Variants in MANBA observed in about 807,000 individuals in gnomAD.
MANBA encodes the protein mannosidase beta.
MANBA carries 83 observed loss-of-function variants against 111.1 expected under a neutral mutation model. The ratio of observed to expected loss-of-function variants is 0.75; its 90% CI spans 0.63 to 0.90. The LOEUF (loss-of-function observed/expected upper bound fraction) is 0.90, where lower values mean the gene tolerates loss of function less well. MANBA is among the 40% of genes least tolerant of loss of function. MANBA has a pLI of 0.00. For synonymous variants in MANBA, 370 were observed against 378.7 expected (o/e 0.98, Z 0.27); for missense variants, 1,036 against 1,069.0 (o/e 0.97, Z 0.43).
intron 13 of MANBA, among the ~76,000 whole-genome samples, chr4:102,650,122 T>C (rs1241467065): frequency 2.2e-4 from 33 of 152,186 alleles, no homozygotes; most frequent in Admixed American, 2.1e-3. Flanking sequence ...CCACTGTTTA[T>C]TGATAAAATG....
At chr4:102,650,826 C>T in intron 12 of MANBA, 125 bp from the exon 13 acceptor site, 1 of 744,166 alleles carries the variant, frequency 1.3e-6, no homozygotes, top group East Asian at 2.7e-5. Context: ...TGTTCTGTGG[C>T]TCCAGTTTCA....
chr4:102,732,788 G>C (rs1249607772), intron 1 of MANBA, among the ~76,000 whole-genome samples: 1 of 152,214 alleles, frequency 6.6e-6, no homozygotes, highest in Non-Finnish European at 1.5e-5. Context: ...CAGGGTTGAA[G>C]AGGCACCTAA....
At chr4:102,649,412 A>G (rs926793907) in intron 13 of MANBA, among the ~76,000 whole-genome samples, 2 of 152,202 alleles carry the variant, frequency 1.3e-5, no homozygotes, top group Non-Finnish European at 2.9e-5. Flanking sequence ...CCTCACCAGC[A>G]GTTGTTATTA....
intron 13 of MANBA, among the ~76,000 whole-genome samples, chr4:102,644,127 G>A (rs1015213272): frequency 6.6e-6 from 1 of 152,096 alleles, no homozygotes; most frequent in African/African-American, 2.4e-5. Context: ...ATATCCAATT[G>A]TTCCAGCACC....
At chr4:102,671,193 AC>A in intron 9 of MANBA, 87 bp downstream of exon 9, 1 of 882,810 alleles carries the variant, frequency 1.1e-6, no homozygotes, top group South Asian at 1.3e-5. Flanking sequence ...TAGCTCTGAG[AC>A]TGGGGCAATT....
chr4:102,713,160 G>A (rs1722155584), intron 5 of MANBA, among the ~76,000 whole-genome samples: 1 of 152,148 alleles, frequency 6.6e-6, no homozygotes, highest in Non-Finnish European at 1.5e-5. Flanking sequence ...TGAATAGCAA[G>A]CTAAGGTCAC....
intron 1 of MANBA, among the ~76,000 whole-genome samples, chr4:102,746,694 C>T (rs894083704): frequency 5.3e-5 from 8 of 152,156 alleles, no homozygotes; most frequent in Admixed American, 2.6e-4. Context: ...ATTCTTAGGC[C>T]GGGCACTGTG....
chr4:102,671,451 G>T (rs928430524), intron 8 of MANBA, 53 bp from the exon 9 acceptor site: 1 of 1,054,420 alleles, frequency 9.5e-7, no homozygotes, highest in Non-Finnish European at 1.5e-6. Flanking sequence ...AAAACAGATT[G>T]TGACAGATAA....
rs1042851804 is a variant in MANBA at position 102,680,603 on chromosome 4, GA to G, written c.961-6534del. 1.0e-4 allele frequency among the ~76,000 whole-genome samples: 15 copies of G among 150,564 alleles called. No homozygotes were observed. In the South Asian group the frequency reaches 1.3e-3, roughly 13 times the overall value. On this transcript the variant is annotated intron_variant, in intron 7 of 16. Transcript: ENST00000647097. ...GTTCTAAAAAAAAAAAATCACACAG[GA>G]AAAAAAAAGTTTCCAAAAAAGCAAA...
intron 4 of MANBA, among the ~76,000 whole-genome samples, chr4:102,717,999 G>A (rs1487676907): frequency 6.6e-6 from 1 of 152,214 alleles, no homozygotes; most frequent in Admixed American, 6.5e-5. Context: ...AGGCAACCAG[G>A]GCAATATTTC....
At chr4:102,641,119 C>A (rs908758637) in intron 13 of MANBA, among the ~76,000 whole-genome samples, 8 of 151,892 alleles carry the variant, frequency 5.3e-5, no homozygotes, top group Non-Finnish European at 7.4e-5. Flanking sequence ...TATGGTGGGG[C>A]AATTGGGCAG....
intron 5 of MANBA, among the ~76,000 whole-genome samples, chr4:102,698,965 A>G (rs987960846): frequency 2.0e-5 from 3 of 152,098 alleles, no homozygotes; most frequent in African/African-American, 4.8e-5. Flanking sequence ...CCATTTTCAC[A>G]ATATTGATTC....
Position 102,657,695 on chromosome 4 carries a change from C to T in MANBA, c.1691G>A (p.Ser564Asn). Residue 564 changes from serine (S) to asparagine (N), a missense_variant, in exon 12 of 17, where the codon AGT becomes AAT. By Grantham distance (46) the Ser-to-Asn change is conservative. Transcript: ENST00000647097. ...ACGATGACTTACCTTTTCTAATGTA[C>T]TGAAGGACGGCCAGGACTGATATCC... is the stretch of plus-strand genomic sequence containing the variant. ...EYGYQSWPSFSTLEKVSSTED... is the reference protein window; with the variant it reads ...EYGYQSWPSFNTLEKVSSTED... 2 of 1,610,274 alleles carry T rather than the reference C, an allele frequency of 1.2e-6. No individual in the cohort carries two copies. The highest frequency in any genetic ancestry group is 2.2e-5 in the South Asian group (2 of 91,012).
intron 1 of MANBA, among the ~76,000 whole-genome samples, chr4:102,760,089 T>TACACACACAC (rs35109830): frequency 6.7e-6 from 1 of 149,736 alleles, no homozygotes; most frequent in African/African-American, 2.5e-5. Flanking sequence ...TCCATTGGGA[T>TACACACACAC]ACACACACAC....
intron 1 of MANBA, among the ~76,000 whole-genome samples, chr4:102,747,057 C>T (rs1036447079): frequency 6.6e-6 from 1 of 151,648 alleles, no homozygotes; most frequent in Non-Finnish European, 1.5e-5. Context: ...AACCCCAAAA[C>T]CAATAAAAGA....
rs530665630 is a variant in MANBA, at chr4:102,751,914, T to C, written c.177+8804A>G. ...GGATCCAACTATTCTCTTATGGGAG[T>C]GGAATAGAGAGAAACAAAGTGAAAG... On this transcript the variant is annotated intron_variant, in intron 1 of 16. Coordinates refer to ENST00000647097, the MANE Select transcript of MANBA (RefSeq NM_005908.4). The C allele has an allele frequency of 1.8e-4, 116 of 630,956 alleles. 2 individuals are homozygous for C. Among genetic ancestry groups the C allele is most frequent in the South Asian group, 1.6e-3 (112 of 72,002 alleles). 39.1% of individuals were successfully genotyped at this position (630,956 alleles called of 1,614,324 possible). A position where few individuals can be genotyped will look rare whatever the true frequency, so the allele number is the denominator to read the frequency against.
intron 1 of MANBA, among the ~76,000 whole-genome samples, chr4:102,747,714 A>G (rs372485235): frequency 1.9e-4 from 29 of 152,218 alleles, no homozygotes; most frequent in African/African-American, 7.0e-4. Context: ...CAGCCTTAAC[A>G]TTATCTTTTT....
Position 102,757,289 on chromosome 4 carries a change from A to G in MANBA, c.177+3429T>C, listed in dbSNP as rs540836592. On this transcript the variant is annotated intron_variant, in intron 1 of 16. Coordinates refer to ENST00000647097, the MANE Select transcript of MANBA (RefSeq NM_005908.4). ...GGTTGCGGTGAGCCGAGATAGTACC[A>G]TTGCATTCCAGCCTGGGCAACAAGA... is the stretch of plus-strand genomic sequence containing the variant. Among the ~76,000 whole-genome samples the G allele has an allele frequency of 2.1e-3, 326 of 151,992 alleles. 1 individual carries two copies. In the Middle Eastern group the frequency reaches 0.037, roughly 17 times the overall value.
At chr4:102,684,932 C>T (rs538221829) in intron 7 of MANBA, among the ~76,000 whole-genome samples, 103 of 152,122 alleles carry the variant, frequency 6.8e-4, no homozygotes, top group Non-Finnish European at 1.3e-3. Context: ...TATTTTCAGA[C>T]CACAGTTGAC....
Sources: allele counts gnomAD v4.1 joint callset (sites outside exome capture counted in the v4.1 genomes callset), GRCh38; gene constraint gnomAD v4.1.1; transcripts MANE v1.5; gene names NCBI Gene and HGNC (gene_info 2026-07-23, HGNC 2026-07-21).